Variants in MATN2 observed in about 807,000 individuals in gnomAD.
MATN2 encodes the protein matrilin-2.
In MATN2, 69 loss-of-function variants were observed where a neutral mutation model predicts 103.2. That is an observed-to-expected ratio of 0.67 (90% CI 0.55 to 0.82). MATN2 has a LOEUF of 0.82. Ranked by LOEUF, MATN2 falls within the 40% of genes least tolerant of loss-of-function variation. The pLI is 0.00. For missense variants in MATN2, 1,023 were observed against 1,211.5 expected, an observed-to-expected ratio of 0.84 and a Z score of 2.31; for synonymous variants, 429 against 450.2, an observed-to-expected ratio of 0.95 and a Z score of 0.60.
intron 1 of MATN2, among the ~76,000 whole-genome samples, chr8:97,871,483 CT>C (rs748599652): frequency 6.6e-6 from 1 of 152,242 alleles, no homozygotes; most frequent in Non-Finnish European, 1.5e-5. Flanking sequence ...AGTGCTGCCC[CT>C]GGCACTCACT....
rs913624459 is a variant in MATN2 at position 97,994,502 on chromosome 8, T to C, written c.1104T>C (p.Ser368=). 15 of 1,612,770 alleles carry C rather than the reference T, an allele frequency of 9.3e-6. No homozygotes were observed. The highest frequency in any genetic ancestry group is 1.3e-5 in the Non-Finnish European group (15 of 1,179,542). ...TCTKIDYCAS[S]NHGCQHECVN... ...CAGAGATAGACTACTGTGCCTCATC[T>C]AATCACGGATGTCAGCACGAGTGTG... is the stretch of plus-strand genomic sequence containing the variant. The change falls in exon 7 of 19, where the codon TCT becomes TCC. Residue 368 remains serine (S), a synonymous_variant. Transcript: ENST00000254898.
intron 2 of MATN2, among the ~76,000 whole-genome samples, chr8:97,916,654 T>G (rs1394040088): frequency 6.6e-6 from 1 of 152,192 alleles, no homozygotes; most frequent in Non-Finnish European, 1.5e-5. Context: ...CTTCTCTTTA[T>G]CAATTAAGAA....
chr8:97,999,374 T>G (rs1280083894), intron 7 of MATN2, among the ~76,000 whole-genome samples: 2 of 152,244 alleles, frequency 1.3e-5, no homozygotes, highest in Admixed American at 1.3e-4. Context: ...GGAACCGCCA[T>G]GCTGTTTTCC....
intron 2 of MATN2, among the ~76,000 whole-genome samples, chr8:97,913,132 C>T (rs1809506629): frequency 6.6e-6 from 1 of 152,114 alleles, no homozygotes; most frequent in African/African-American, 2.4e-5. Flanking sequence ...CCACCATCCA[C>T]CCCACTTCAT....
intron 2 of MATN2, among the ~76,000 whole-genome samples, chr8:97,927,870 C>T (rs1307764924): frequency 6.6e-6 from 1 of 152,206 alleles, no homozygotes; most frequent in Non-Finnish European, 1.5e-5. Context: ...TCCAAGGAGG[C>T]TCTGCTACTT....
chr8:97,928,925 C>T (rs1190547570), intron 2 of MATN2, among the ~76,000 whole-genome samples: 1 of 152,140 alleles, frequency 6.6e-6, no homozygotes, highest in Non-Finnish European at 1.5e-5. Context: ...GCTTCTTGAT[C>T]CTTTCTCAAA....
intron 6 of MATN2, among the ~76,000 whole-genome samples, chr8:97,991,914 T>A (rs1812403326): frequency 6.6e-6 from 1 of 152,116 alleles, no homozygotes; most frequent in South Asian, 2.1e-4. Context: ...AATAGACATA[T>A]TAGGCAGCAT....
intron 4 of MATN2, among the ~76,000 whole-genome samples, chr8:97,949,083 A>G (rs760108652): frequency 1.3e-5 from 2 of 152,000 alleles, no homozygotes; most frequent in African/African-American, 2.4e-5. Context: ...ACACTAAACC[A>G]TGGAAGACAT....
chr8:97,935,081 A>G (rs1225919415), intron 3 of MATN2, among the ~76,000 whole-genome samples: 1 of 152,040 alleles, frequency 6.6e-6, no homozygotes, highest in Non-Finnish European at 1.5e-5. Context: ...GATAGGTACT[A>G]TCATTATCTT....
At chr8:97,958,857 C>T (rs1811219139) in intron 4 of MATN2, among the ~76,000 whole-genome samples, 1 of 152,168 alleles carries the variant, frequency 6.6e-6, no homozygotes, top group South Asian at 2.1e-4. Context: ...GTGCAGAGAT[C>T]CCTCTGCCTC....
At chr8:97,980,451 C>T (rs1811978898) in intron 6 of MATN2, among the ~76,000 whole-genome samples, 1 of 151,844 alleles carries the variant, frequency 6.6e-6, no homozygotes, top group African/African-American at 2.4e-5. Context: ...CTAATCCCAG[C>T]TTCTCTGCTT....
chr8:97,881,180 A>G (rs1818241483), intron 1 of MATN2, among the ~76,000 whole-genome samples: 2 of 152,088 alleles, frequency 1.3e-5, no homozygotes, highest in Admixed American at 1.3e-4. Context: ...TGGAGAGGGG[A>G]TCTTGCCACC....
Position 98,007,154 on chromosome 8 carries a change from G to A in MATN2, c.1377G>A (p.Leu459=). ...ACCATGGCTGTGAGCAGCTGTGTCT[G>A]AACACGGAGGATTCCTTCGTCTGCC... ...QQDHGCEQLC[L]NTEDSFVCQC... is the part of the protein sequence containing the mutation. Residue 459 remains leucine (L), a synonymous_variant, in exon 9 of 19, where the codon CTG becomes CTA. Transcript: ENST00000254898. This position sits in a 1 kb window ranked among gnomAD's most constrained non-coding sequence, Gnocchi z 4.2. 6.2e-7 allele frequency: 1 copy of A among 1,613,440 alleles called. No individual in the cohort carries two copies. The highest frequency in any genetic ancestry group is 8.5e-7 in the Non-Finnish European group (1 of 1,179,680).
At chr8:97,917,991 G>GCAAC (rs1192732268) in intron 2 of MATN2, among the ~76,000 whole-genome samples, 2 of 152,086 alleles carry the variant, frequency 1.3e-5, no homozygotes, top group East Asian at 3.9e-4. Flanking sequence ...AGGCTACGTT[G>GCAAC]GGAGGATCAC....
At chr8:98,006,478 C>T (rs752695232) in intron 8 of MATN2, among the ~76,000 whole-genome samples, 15 of 152,176 alleles carry the variant, frequency 9.9e-5, no homozygotes, top group African/African-American at 3.4e-4. Context: ...AATCAGGAAA[C>T]GATGGCAAAG....
At chr8:97,958,388 A>G (rs67636186) in intron 4 of MATN2, among the ~76,000 whole-genome samples, 23,348 of 152,180 alleles carry the variant, frequency 0.15, 2,067 homozygotes, top group East Asian at 0.37. Flanking sequence ...TCAGGACTTC[A>G]TGCAGGGACA....
chr8:97,877,184 A>T (rs528553064), intron 1 of MATN2, among the ~76,000 whole-genome samples: 18 of 151,930 alleles, frequency 1.2e-4, no homozygotes, highest in South Asian at 6.2e-4. Flanking sequence ...TTTAAAAAAA[A>T]TTTTTTGGGG....
At chr8:97,905,090 C>T (rs183247120) in intron 2 of MATN2, among the ~76,000 whole-genome samples, 207 of 152,252 alleles carry the variant, frequency 1.4e-3, no homozygotes, top group African/African-American at 4.8e-3. Context: ...TTAGTAGACC[C>T]GCCTCTTGAT....
rs1812055298 is a variant in MATN2, at chr8:97,982,332, T to C, written c.1081+3324T>C. 6.7e-6 allele frequency among the ~76,000 whole-genome samples: 1 copy of C among 148,560 alleles called. No homozygotes were observed. The highest frequency in any genetic ancestry group is 1.5e-5 in the Non-Finnish European group (1 of 67,932). On this transcript the variant is annotated intron_variant, in intron 6 of 18. Transcript: ENST00000254898. The surrounding 1 kb of genome is among the most constrained non-coding windows in gnomAD (Gnocchi z 4.3). ...ACAGAAACAGGATAGAGGCAGAAGC[T>C]CAGAACCGAAGCAGCCACCCTGTTT...
Sources: gnomAD v4.1 joint callset for allele counts (sites outside exome capture counted in the v4.1 genomes callset) on GRCh38, gnomAD v4.1.1 for gene constraint, Gnocchi (gnomAD v3.1) non-coding constraint, MANE v1.5 for transcripts, NCBI Gene and HGNC (gene_info 2026-07-23, HGNC 2026-07-21) for gene names.